The following HYCC2 variants were observed in gnomAD, a reference collection of about 807,000 sequenced individuals.
HYCC2 encodes the protein hyccin PI4KA lipid kinase complex subunit 2.
At chr2:201,063,158 G>T in the HYCC2 span, 5 of 1,610,490 alleles carry the variant, frequency 3.1e-6, no homozygotes, top group African/African-American at 6.7e-5. Context: ...GTTGAGCTTT[G>T]AAACAACCGA....
the HYCC2 span, chr2:200,988,346 C>G: frequency 6.2e-7 from 1 of 1,613,860 alleles, no homozygotes; most frequent in East Asian, 2.2e-5. Context: ...GTGACTTCAA[C>G]TTTAAGGACT....
At chr2:201,026,905 T>C in the HYCC2 span, among the ~76,000 whole-genome samples, 4 of 151,912 alleles carry the variant, frequency 2.6e-5, no homozygotes, top group African/African-American at 9.7e-5. Context: ...ATTAAAAGAA[T>C]TAGAGAAGCA....
chr2:200,977,081 G>T, the HYCC2 span: 2 of 152,158 alleles, frequency 1.3e-5, no homozygotes, highest in Non-Finnish European at 2.9e-5. Flanking sequence ...GCAGAAAATA[G>T]TAAGGCATAA....
At chr2:201,006,913 T>C in the HYCC2 span, among the ~76,000 whole-genome samples, 3 of 152,198 alleles carry the variant, frequency 2.0e-5, no homozygotes, top group Non-Finnish European at 4.4e-5. Context: ...CTAATTTCTA[T>C]GACAAATAGT....
At chr2:201,005,582 A>C in the HYCC2 span, among the ~76,000 whole-genome samples, 1 of 152,192 alleles carries the variant, frequency 6.6e-6, no homozygotes, top group Admixed American at 6.5e-5. Flanking sequence ...ATCTGGCAAA[A>C]TTAGGATTGA....
At chr2:201,062,867 T>C in the HYCC2 span, among the ~76,000 whole-genome samples, 1 of 148,300 alleles carries the variant, frequency 6.7e-6, no homozygotes, top group Non-Finnish European at 1.5e-5. Flanking sequence ...ATATATATAA[T>C]ATATATAAAC....
the HYCC2 span, among the ~76,000 whole-genome samples, chr2:201,032,233 A>G: frequency 2.6e-5 from 4 of 152,164 alleles, no homozygotes; most frequent in Non-Finnish European, 5.9e-5. Flanking sequence ...CAGTCCTGGG[A>G]TTACAGGTGT....
the HYCC2 span, among the ~76,000 whole-genome samples, chr2:201,046,928 T>A: frequency 6.6e-6 from 1 of 151,766 alleles, no homozygotes; most frequent in South Asian, 2.1e-4. Flanking sequence ...TACAAAGGGA[T>A]AAAAAAAGTG....
the HYCC2 span, among the ~76,000 whole-genome samples, chr2:201,044,303 G>C: frequency 2.6e-5 from 4 of 152,116 alleles, no homozygotes; most frequent in Non-Finnish European, 5.9e-5. Context: ...GCCCAGGCTG[G>C]TTTTGAACTC....
chr2:200,974,981 T>C, the HYCC2 span: 1 of 151,930 alleles, frequency 6.6e-6, no homozygotes, highest in Non-Finnish European at 1.5e-5. Flanking sequence ...CCCCTAAATT[T>C]TACTTAACCC....
the HYCC2 span, among the ~76,000 whole-genome samples, chr2:201,034,274 C>G: frequency 1.3e-5 from 2 of 152,106 alleles, no homozygotes; most frequent in Admixed American, 1.3e-4. Flanking sequence ...AAAAGCTTAA[C>G]TAAATCTGGG....
the HYCC2 span, chr2:201,063,923 G>A: frequency 1.3e-6 from 2 of 1,597,112 alleles, no homozygotes; most frequent in Non-Finnish European, 1.7e-6. Flanking sequence ...CGTGAAGGGA[G>A]GAAATTTTGG....
chr2:201,019,758 A>G, the HYCC2 span, among the ~76,000 whole-genome samples: 1 of 146,940 alleles, frequency 6.8e-6, no homozygotes, highest in Non-Finnish European at 1.5e-5. Context: ...CCCTGTCTTA[A>G]AAAAAAAAAA....
the HYCC2 span, among the ~76,000 whole-genome samples, chr2:201,030,582 CT>C: frequency 4.0e-3 from 562 of 141,784 alleles, 1 homozygote; most frequent in African/African-American, 8.9e-3. Flanking sequence ...TATCTCATTC[CT>C]TTTTTTTTTT....
chr2:201,060,054 CGGG>C, the HYCC2 span, among the ~76,000 whole-genome samples: 115 of 36,596 alleles, frequency 3.1e-3, 3 homozygotes, highest in African/African-American at 7.3e-3. Flanking sequence ...AAAAAAAAAG[CGGG>C]GGGGGGGGGG....
At chr2:200,989,719 C>A in the HYCC2 span, among the ~76,000 whole-genome samples, 195 of 152,202 alleles carry the variant, frequency 1.3e-3, 1 homozygote, top group African/African-American at 4.6e-3. Flanking sequence ...GAGGCTGGGG[C>A]AGGAGGACCA....
the HYCC2 span, among the ~76,000 whole-genome samples, chr2:200,984,289 C>A: frequency 1.3e-5 from 2 of 152,156 alleles, no homozygotes; most frequent in Non-Finnish European, 2.9e-5. Context: ...ATCCACCTGC[C>A]TGGGCCTCCC....
At chr2:200,990,910 G>A in the HYCC2 span, among the ~76,000 whole-genome samples, 4 of 150,500 alleles carry the variant, frequency 2.7e-5, no homozygotes, top group African/African-American at 7.4e-5. Context: ...GTTTTGCCAC[G>A]TTGGCCAGGC....
At chr2:200,981,747 C>T in the HYCC2 span, 5 of 1,614,116 alleles carry the variant, frequency 3.1e-6, no homozygotes, top group Admixed American at 5.0e-5. The surrounding 1 kb of genome is among the most constrained non-coding windows in gnomAD (Gnocchi z 4.5). Flanking sequence ...TTAAGCTTCC[C>T]CTCTGAGAAG....
Sources: gnomAD v4.1 joint callset for allele counts (sites outside exome capture counted in the v4.1 genomes callset) on GRCh38, gnomAD v4.1.1 for gene constraint, Gnocchi (gnomAD v3.1) non-coding constraint, MANE v1.5 for transcripts, NCBI Gene and HGNC (gene_info 2026-07-23, HGNC 2026-07-21) for gene names.